Variants in USP36 observed in about 807,000 individuals in gnomAD.
USP36 encodes ubiquitin specific peptidase 36.
USP36 carries 59 observed loss-of-function variants against 111.5 expected under a neutral mutation model. The observed-to-expected ratio is 0.53, with a 90% CI of 0.43 to 0.66. The LOEUF (loss-of-function observed/expected upper bound fraction) is 0.66, where lower values mean the gene tolerates loss of function less well. USP36 is among the 30% of genes least tolerant of loss of function. USP36 has a pLI of 0.00. For synonymous variants in USP36, 628 were observed against 581.0 expected, an observed-to-expected ratio of 1.08 and a Z score of -1.16; for missense variants, 1,488 against 1,468.0, an observed-to-expected ratio of 1.01 and a Z score of -0.22.
At chr17:78,817,243 AC>A (rs2094210461) in intron 10 of USP36, among the ~76,000 whole-genome samples, 1 of 152,212 alleles carries the variant, frequency 6.6e-6, no homozygotes, top group Non-Finnish European at 1.5e-5. Flanking sequence ...TATGATGTTC[AC>A]ACAGTGACAG....
At chr17:78,793,147 G>T (rs1457085802), downstream of USP36, among the ~76,000 whole-genome samples, 1 of 152,090 alleles carries the variant, frequency 6.6e-6, no homozygotes, top group Non-Finnish European at 1.5e-5. Flanking sequence ...AGAACCCTGA[G>T]GTAAGAAGGA....
In USP36 at chr17:78,796,892, GA is replaced by G. The variant is rs2093637661; in HGVS notation, c.*1007del. The G allele has an allele frequency of 6.6e-6, 1 of 152,194 alleles. No individual in the cohort carries two copies. Among genetic ancestry groups the G allele is most frequent in the South Asian group, 2.1e-4 (1 of 4,832 alleles). 9.4% of individuals were successfully genotyped at this position (152,194 alleles called of 1,614,324 possible). On this transcript the variant is annotated 3_prime_UTR_variant, in exon 21 of 21. Coordinates refer to ENST00000449938, the MANE Select transcript of USP36 (RefSeq NM_001385174.1). ...TCCTGAAAATATCACCTTCTCTGAG[GA>G]TTTCCTGTATTTATTAAGTTACAAG... is the stretch of plus-strand genomic sequence containing the variant.
chr17:78,830,721 G>C (rs188552508), intron 4 of USP36, among the ~76,000 whole-genome samples: 13 of 152,202 alleles, frequency 8.5e-5, no homozygotes, highest in African/African-American at 3.1e-4. Context: ...AGCCTGCTTA[G>C]CAAATAGACA....
chr17:78,836,453 C>CACGCCTGTA, intron 2 of USP36, 81 bp from the exon 3 acceptor site: 7 of 1,522,600 alleles, frequency 4.6e-6, no homozygotes, highest in Non-Finnish European at 6.1e-6. Context: ...CCTCTTTGGT[C>CACGCCTGTA]ATTATGGATG....
rs2094136692 is a variant in USP36 at position 78,814,508 on chromosome 17, G to C, written c.1068C>G (p.Ser356=). ...ACATGACAGGATCACCATTATTCTG[G>C]GACATATACGGACGTATGTTGAGGA... ...PEFLNIRPYM[S]QNNGDPVMYG... The change falls in exon 11 of 21, where the codon TCC becomes TCG. Residue 356 remains serine (S), a synonymous_variant. Transcript: ENST00000449938. 1 of 1,614,104 alleles carries C rather than the reference G, an allele frequency of 6.2e-7. No homozygotes were observed. The highest frequency in any genetic ancestry group is 8.5e-7 in the Non-Finnish European group (1 of 1,180,006).
Position 78,805,217 on chromosome 17 carries a change from A to C in USP36, c.2216+939T>G, listed in dbSNP as rs200248709. On this transcript the variant is annotated intron_variant, in intron 15 of 20. Transcript: ENST00000449938. ...CCCGTCATCATCTAAACAAACTATA[A>C]GGGCCATGCCAGCTGCACGATGTTT... 1.3e-4 allele frequency among the ~76,000 whole-genome samples: 20 copies of C among 152,322 alleles called. No homozygotes were observed. In the East Asian group the frequency reaches 3.7e-3, roughly 28 times the overall value.
downstream of USP36, among the ~76,000 whole-genome samples, chr17:78,793,799 G>A (rs766548322): frequency 1.3e-5 from 2 of 152,096 alleles, no homozygotes; most frequent in Non-Finnish European, 2.9e-5. Context: ...ATAAACAGAT[G>A]CCCACCTGAT....
rs911922190 is a variant in USP36 at position 78,834,688 on chromosome 17, C to T, written c.475+592G>A. On this transcript the variant is annotated intron_variant, in intron 4 of 20. Transcript: ENST00000449938. ...CAACTCCTGACCTCAAGTGATCTGC[C>T]CACCTCTGCCTCCCACAGGTGTGAG... Among the ~76,000 whole-genome samples the T allele has an allele frequency of 2.0e-5, 3 of 152,140 alleles. 1 individual carries two copies. The South Asian group carries it at 6.2e-4, about 32-fold the overall frequency.
rs764499143 is a variant in USP36 at position 78,803,888 on chromosome 17, T to C, written c.2307A>G (p.Pro769=). 36 of 1,259,982 alleles carry C rather than the reference T, an allele frequency of 2.9e-5. No homozygotes were observed. The highest frequency in any genetic ancestry group is 4.5e-5 in the African/African-American group (2 of 44,842). The allele number at this position is 1,259,982 out of a possible 1,614,324, so 78.1% of individuals were successfully genotyped here. The change falls in exon 16 of 21, where the codon CCA becomes CCG. Residue 769 remains proline, a synonymous_variant. Transcript: ENST00000449938. The surrounding 1 kb of genome is among the most constrained non-coding windows in gnomAD (Gnocchi z 4.6). ...AGCAGCTCCGTGGTTCTGACGTCCC[T>C]GGGGGCTTGGGGGTACTGGACAGCA... ...PTLLSSTPKP[P]GTSEPRSCSS...
chr17:78,807,272 G>C lies in USP36; in HGVS notation c.1772C>G (p.Ala591Gly), dbSNP rs1469578793. 1.9e-6 allele frequency: 3 copies of C among 1,614,180 alleles called. No homozygotes were observed. Among genetic ancestry groups the C allele is most frequent in the Admixed American group, 1.7e-5 (1 of 60,016 alleles). ...TSPKLLATATANGHGLKGNDE... is the reference protein window; with the variant it reads ...TSPKLLATATGNGHGLKGNDE... ...GTTCCCCTTCAGCCCATGCCCGTTG[G>C]CAGTGGCTGTAGCCAGGAGCTTAGG... is the stretch of plus-strand genomic sequence containing the variant. Residue 591 changes from alanine (A) to glycine (G), a missense_variant, in exon 14 of 21, where the codon GCC becomes GGC. Coordinates refer to ENST00000449938, the MANE Select transcript of USP36 (RefSeq NM_001385174.1).
intron 10 of USP36, among the ~76,000 whole-genome samples, chr17:78,816,227 A>G (rs1229784949): frequency 1.3e-5 from 2 of 151,426 alleles, no homozygotes; most frequent in Admixed American, 6.6e-5. Context: ...TGGTACATTC[A>G]TAGCTCACTG....
At chr17:78,836,031 CTAAT>C (rs1156835605) in intron 3 of USP36, 76 bp downstream of exon 3, 1 of 1,552,016 alleles carries the variant, frequency 6.4e-7, no homozygotes, top group African/African-American at 1.4e-5. Flanking sequence ...GTTTTTCCTA[CTAAT>C]TAGTCAATAT....
chr17:78,807,542 T>C lies in USP36; in HGVS notation c.1502A>G (p.Gln501Arg), dbSNP rs970905305. 7 of 1,613,050 alleles carry C rather than the reference T, an allele frequency of 4.3e-6. No individual in the cohort carries two copies. The Admixed American group carries it at 6.7e-5, about 15-fold the overall frequency. Reference protein sequence around the residue: ...RNGSTLGLKSQNGCIPPKLPS... With the variant: ...RNGSTLGLKSRNGCIPPKLPS... ...CAGCTTTGGAGGAATGCAGCCGTTCTGGGACTTCAGGCCCAGGGTGGAGCC... is the reference window on the plus strand; with the variant it reads ...CAGCTTTGGAGGAATGCAGCCGTTCCGGGACTTCAGGCCCAGGGTGGAGCC... Residue 501 changes from glutamine (Q) to arginine (R), a missense_variant, in exon 14 of 21, where the codon CAG (glutamine) becomes CGG (arginine). Physicochemically the swap from Gln to Arg is conservative, Grantham distance 43. This residue lies in a region of USP36 where 1,073 missense variants were observed against 994.1 expected (regional missense o/e 1.08). Transcript: ENST00000449938.
rs2093920729 is a variant in USP36, at chr17:78,807,012, C to T, written c.2032G>A (p.Ala678Thr). 4.3e-6 allele frequency: 7 copies of T among 1,614,216 alleles called. No individual in the cohort carries two copies. The highest frequency in any genetic ancestry group is 2.2e-5 in the East Asian group (1 of 44,884). ...PVLSNTTTEP[A>T]STMSPPPAKK... ...GCTGGTGGAGGAGACATGGTGCTTG[C>T]AGGCTCAGTGGTGGTGTTGCTCAGG... Residue 678 changes from alanine (A) to threonine (T), a missense_variant, in exon 14 of 21, where the codon GCA becomes ACA. Ala to Thr is a moderately conservative substitution (Grantham distance 58, BLOSUM62 0). Around this residue, in one of 3 missense-constraint regions of USP36, gnomAD observed 1,073 missense variants for 994.1 expected, o/e 1.08. Coordinates refer to ENST00000449938, the MANE Select transcript of USP36 (RefSeq NM_001385174.1).
chr17:78,832,498 TC>T (rs1275224231), intron 4 of USP36, among the ~76,000 whole-genome samples: 1 of 152,190 alleles, frequency 6.6e-6, no homozygotes, highest in African/African-American at 2.4e-5. Context: ...GACCAGGCGT[TC>T]CCCTTGAAGG....
intron 3 of USP36, among the ~76,000 whole-genome samples, chr17:78,789,992 A>G (rs1458236263): frequency 6.6e-6 from 1 of 152,236 alleles, no homozygotes; most frequent in Admixed American, 6.5e-5. Flanking sequence ...CAGCTGCTCC[A>G]GTTCACTCAT....
chr17:78,841,083 C>G (rs1006919104), upstream of USP36: 6 of 152,248 alleles, frequency 3.9e-5, no homozygotes, highest in African/African-American at 1.4e-4. Context: ...CTCCGCAGCG[C>G]ACTAGAGGTG....
At position 78,796,214 on chromosome 17, in the gene USP36, A is replaced by G. The variant is rs1254261900; in HGVS notation, c.*1686T>C. The G allele has an allele frequency of 1.3e-5, 2 of 152,240 alleles. No individual in the cohort carries two copies. Among genetic ancestry groups the G allele is most frequent in the Admixed American group, 1.3e-4 (2 of 15,288 alleles). 9.4% of individuals were successfully genotyped at this position (152,240 alleles called of 1,614,324 possible). On this transcript the variant is annotated 3_prime_UTR_variant, in exon 21 of 21. Transcript: ENST00000449938. ...AACGAGATAAATTCTGTGCCAGCAG[A>G]CAACTAACATTTTCAACTACAGAAC...
At chr17:78,836,705 C>T (rs1195664612) in intron 2 of USP36, among the ~76,000 whole-genome samples, 1 of 152,098 alleles carries the variant, frequency 6.6e-6, no homozygotes, top group Non-Finnish European at 1.5e-5. Context: ...ATTCTTGGTG[C>T]CATTTCCTTC....
Sources: gnomAD v4.1 joint callset for allele counts (sites outside exome capture counted in the v4.1 genomes callset) on GRCh38, gnomAD v4.1.1 for gene constraint, gnomAD v4.1.1 regional missense constraint, Gnocchi (gnomAD v3.1) non-coding constraint, MANE v1.5 for transcripts, NCBI Gene and HGNC (gene_info 2026-07-23, HGNC 2026-07-21) for gene names.